FN1: variants seen among roughly 807,000 people sequenced by gnomAD.
FN1 encodes the protein fibronectin.
In FN1, 106 loss-of-function variants were observed where a neutral mutation model predicts 297.3. The observed-to-expected ratio is 0.36, with a 90% CI of 0.30 to 0.42. The LOEUF is 0.42. Ranked by LOEUF, FN1 falls within the 10% of genes least tolerant of loss-of-function variation. The pLI, the probability that FN1 is intolerant of heterozygous loss-of-function variation, is 1.00. For missense variants in FN1, 2,690 were observed against 3,124.9 expected, an observed-to-expected ratio of 0.86 and a Z score of 3.32; for synonymous variants, 1,149 against 1,152.6, an observed-to-expected ratio of 1.00 and a Z score of 0.06.
intron 13 of FN1, 122 bp downstream of exon 13, chr2:215,414,715 T>C (rs927754075): frequency 5.4e-6 from 8 of 1,488,800 alleles, no homozygotes; most frequent in African/African-American, 2.8e-5. Flanking sequence ...TAAACAAATA[T>C]AGTAAATGCT....
chr2:215,375,141 T>C, intron 38 of FN1, 73 bp downstream of exon 38: 1 of 1,404,364 alleles, frequency 7.1e-7, no homozygotes, highest in Non-Finnish European at 1.0e-6. Context: ...TCAAAGACGC[T>C]GTGGGAGTTT....
chr2:215,409,739 C>T lies in FN1; in HGVS notation c.2123G>A (p.Ser708Asn). The T allele has an allele frequency of 6.2e-7, 1 of 1,614,002 alleles. No individual in the cohort carries two copies. The highest frequency in any genetic ancestry group is 8.5e-7 in the Non-Finnish European group (1 of 1,179,956). ...AGTCGTCTCTCCTGTCACGGTGTTG[C>T]CTAGAGAGTCACAGAAAGGGGAAAG... ...TTTSTSTPVTSNTVTGETTPF... is the reference protein window; with the variant it reads ...TTTSTSTPVTNNTVTGETTPF... Residue 708 changes from serine (S) to asparagine (N), a missense_variant and splice_region_variant, in exon 15 of 46, where the codon AGC becomes AAC. Around this residue, in one of 3 missense-constraint regions of FN1, gnomAD observed 876 missense variants for 1,058.1 expected, o/e 0.83. Coordinates refer to ENST00000354785, the MANE Select transcript of FN1 (RefSeq NM_212482.4).
At chr2:215,435,541 A>G (rs1575943662) in intron 1 of FN1, 114 bp downstream of exon 1, 1 of 1,472,584 alleles carries the variant, frequency 6.8e-7, no homozygotes, top group Non-Finnish European at 9.3e-7. Context: ...TTCTCTCAGT[A>G]AAGCGCGCAC....
chr2:215,367,011 T>C (rs1248750168), intron 42 of FN1, among the ~76,000 whole-genome samples: 1 of 152,228 alleles, frequency 6.6e-6, no homozygotes, highest in Non-Finnish European at 1.5e-5. Flanking sequence ...ATTTCAAGTA[T>C]ACAAGTTAAG....
At chr2:215,434,247 T>C (rs2067052897) in intron 2 of FN1, among the ~76,000 whole-genome samples, 1 of 152,208 alleles carries the variant, frequency 6.6e-6, no homozygotes, top group Non-Finnish European at 1.5e-5. Flanking sequence ...AAAAATATCA[T>C]TGGTCCTAAA....
chr2:215,416,504 C>A (rs2063454483), intron 12 of FN1, among the ~76,000 whole-genome samples: 1 of 152,110 alleles, frequency 6.6e-6, no homozygotes, highest in Non-Finnish European at 1.5e-5. Context: ...ATTTAACGTA[C>A]TTCCATGTAA....
At chr2:215,371,838 T>C (rs1333288293) in intron 40 of FN1, 71 bp downstream of exon 40, 9 of 1,344,480 alleles carry the variant, frequency 6.7e-6, no homozygotes, top group Non-Finnish European at 9.6e-6. Flanking sequence ...ATTCGAGGGC[T>C]GGTCACTTCA....
At chr2:215,433,299 T>G in intron 3 of FN1, 25 bp downstream of exon 3, 1 of 1,613,398 alleles carries the variant, frequency 6.2e-7, no homozygotes, top group Non-Finnish European at 8.5e-7. Context: ...TATTTTGGCA[T>G]CATTTTACAC....
rs577839646 is a variant in FN1 at position 215,376,097 on chromosome 2, T to C, written c.5888-379A>G. On this transcript the variant is annotated intron_variant, in intron 36 of 45. Transcript: ENST00000354785. ...AAAAAGCTAAAAAAGACCTCAGATATTGAATATTCTTCGGTTACAATTTTG... is the reference window on the plus strand; with the variant it reads ...AAAAAGCTAAAAAAGACCTCAGATACTGAATATTCTTCGGTTACAATTTTG... 3.3e-5 allele frequency among the ~76,000 whole-genome samples: 5 copies of C among 152,384 alleles called. No individual in the cohort carries two copies. The South Asian group carries it at 1.0e-3, about 32-fold the overall frequency.
intron 42 of FN1, among the ~76,000 whole-genome samples, chr2:215,366,535 T>C (rs1409464991): frequency 1.3e-5 from 2 of 152,238 alleles, no homozygotes; most frequent in Admixed American, 6.5e-5. Context: ...TTCTGTGGAA[T>C]ATCTAAAAGT....
rs2105915871 is a variant in FN1 at position 215,379,253 on chromosome 2, C to A, written c.5499G>T (p.Trp1833Cys). Residue 1833 changes from tryptophan (W) to cysteine (C), a missense_variant, in exon 34 of 46, where the codon TGG becomes TGT. Around this residue, in one of 3 missense-constraint regions of FN1, gnomAD observed 1,743 missense variants for 1,945.2 expected, o/e 0.90. Coordinates refer to ENST00000354785, the MANE Select transcript of FN1 (RefSeq NM_212482.4). ...QVTPTSLSAQ[W>C]TPPNVQLTGY... ...CAGTGAGCTGAACATTGGGTGGTGTCCACTGGGCGCTCAGGCTTGTGGGTG... is the reference window on the plus strand; with the variant it reads ...CAGTGAGCTGAACATTGGGTGGTGTACACTGGGCGCTCAGGCTTGTGGGTG... 6.2e-7 allele frequency: 1 copy of A among 1,614,050 alleles called. No individual in the cohort carries two copies. The highest frequency in any genetic ancestry group is 8.5e-7 in the Non-Finnish European group (1 of 1,180,012).
Position 215,361,440 on chromosome 2 carries a change from G to C in FN1, c.*115C>G. ...AGCTGAAGCTGGAGAACTTCCTCCA[G>C]AGCAAAGGGCTTAAGAAAGAAAGAA... is the stretch of plus-strand genomic sequence containing the variant. On this transcript the variant is annotated 3_prime_UTR_variant, in exon 46 of 46. Transcript: ENST00000354785. 1 of 834,088 alleles carries C rather than the reference G, an allele frequency of 1.2e-6. No individual in the cohort carries two copies. The allele number at this position is 834,088 out of a possible 1,614,324, so 51.7% of individuals were successfully genotyped here. A position where few individuals can be genotyped will look rare whatever the true frequency, so the allele number is the denominator to read the frequency against.
chr2:215,386,630 A>G (rs530687020), intron 28 of FN1, 59 bp downstream of exon 28: 18 of 1,463,288 alleles, frequency 1.2e-5, no homozygotes, highest in Admixed American at 3.5e-5. Context: ...GCTACTTTAC[A>G]GAATCTACCA....
At chr2:215,426,448 G>A (rs7598615) in intron 6 of FN1, among the ~76,000 whole-genome samples, 3,935 of 149,732 alleles carry the variant, frequency 0.026, 184 homozygotes, top group African/African-American at 0.09. Flanking sequence ...GCGCCCGGCC[G>A]ATCTTTTCTT....
intron 41 of FN1, 53 bp downstream of exon 41, chr2:215,370,241 C>T (rs1039670299): frequency 1.9e-6 from 3 of 1,594,266 alleles, no homozygotes; most frequent in African/African-American, 2.7e-5. Context: ...AAAAGCCCAT[C>T]TCTGGTGTAC....
rs1379748202 is a variant in FN1, at chr2:215,407,176, T to C, written c.2664A>G (p.Glu888=). 2 of 1,614,124 alleles carry C rather than the reference T, an allele frequency of 1.2e-6. No homozygotes were observed. The highest frequency in any genetic ancestry group is 2.2e-5 in the South Asian group (2 of 91,076). The change falls in exon 18 of 46, where the codon GAA becomes GAG. Residue 888 remains glutamate, a synonymous_variant. Coordinates refer to ENST00000354785, the MANE Select transcript of FN1 (RefSeq NM_212482.4). ...CTTGTTGAATGACAACAGGTGTACT[T>C]TCTTGATTTTCTTCCACAGCATAGA... The part of the protein sequence containing the change: ...ITIYAVEENQ[E]STPVVIQQET...
chr2:215,406,346 T>G lies in FN1; in HGVS notation c.2878A>C (p.Thr960Pro). 5 of 1,614,156 alleles carry G rather than the reference T, an allele frequency of 3.1e-6. No homozygotes were observed. The highest frequency in any genetic ancestry group is 4.2e-6 in the Non-Finnish European group (5 of 1,180,030). ...HGQRLPISRN[T>P]FAEVTGLSPG... is the part of the protein sequence containing the mutation. ...GACAGCCCGGTGACTTCTGCAAAGGTGTTCCTGCTGATGGGCAGCCTCTGC... is the reference window on the plus strand; with the variant it reads ...GACAGCCCGGTGACTTCTGCAAAGGGGTTCCTGCTGATGGGCAGCCTCTGC... The change falls in exon 19 of 46, where the codon ACC (threonine) becomes CCC (proline). Residue 960 changes from threonine (T) to proline (P), a missense_variant. By Grantham distance (38) the Thr-to-Pro change is conservative. Transcript: ENST00000354785.
At chr2:215,421,073 T>A (rs990677162) in intron 10 of FN1, 4 of 413,930 alleles carry the variant, frequency 9.7e-6, no homozygotes, top group African/African-American at 2.0e-5. Flanking sequence ...TACACTTTCC[T>A]GTGAGAAGCC....
At chr2:215,364,401 A>G (rs2054127712) in intron 44 of FN1, 2 of 224,862 alleles carry the variant, frequency 8.9e-6, no homozygotes, top group South Asian at 1.5e-4. Context: ...TTTGCTGAAA[A>G]ATAGAAGCAG....
Sources: allele counts gnomAD v4.1 joint callset (sites outside exome capture counted in the v4.1 genomes callset), GRCh38; gene constraint gnomAD v4.1.1; regional missense constraint gnomAD v4.1.1; transcripts MANE v1.5; gene names NCBI Gene and HGNC (gene_info 2026-07-23, HGNC 2026-07-21).